Variants in GRM8 observed in about 807,000 individuals in gnomAD.
GRM8 encodes the protein glutamate metabotropic receptor 8.
In GRM8, 47 loss-of-function variants were observed where a neutral mutation model predicts 87.2. That is an observed-to-expected ratio of 0.54 (90% CI 0.43 to 0.69). The LOEUF is 0.69. Ranked by LOEUF, GRM8 falls within the 30% of genes least tolerant of loss-of-function variation. The pLI, the probability that GRM8 is intolerant of heterozygous loss-of-function variation, is 0.00. For synonymous variants in GRM8, 396 were observed against 404.5 expected (o/e 0.98, Z 0.25); for missense variants, 1,019 against 1,139.2 (o/e 0.89, Z 1.52).
chr7:126,619,966 C>T (rs1011164531), intron 7 of GRM8, among the ~76,000 whole-genome samples: 7 of 151,750 alleles, frequency 4.6e-5, no homozygotes, highest in African/African-American at 1.5e-4. Flanking sequence ...GCCAGAATTA[C>T]AGGCATGAAT....
At chr7:126,826,553 T>G (rs574094368) in intron 6 of GRM8, among the ~76,000 whole-genome samples, 3 of 152,308 alleles carry the variant, frequency 2.0e-5, no homozygotes, top group South Asian at 4.1e-4. Context: ...CTTCGCCCAA[T>G]TTTTGATGGG....
chr7:126,677,909 T>C (rs1298817280), intron 7 of GRM8, among the ~76,000 whole-genome samples: 1 of 152,108 alleles, frequency 6.6e-6, no homozygotes, highest in Admixed American at 6.6e-5. Flanking sequence ...GTCAAGTCCC[T>C]GGAACAACTC....
chr7:126,906,414 C>T (rs551533461), intron 3 of GRM8, among the ~76,000 whole-genome samples: 22 of 152,282 alleles, frequency 1.4e-4, no homozygotes, highest in African/African-American at 5.3e-4. Flanking sequence ...GCCCTAGGCT[C>T]CAGTGATTTG....
chr7:126,788,409 C>CAAAAAAAAAAAAAAAAAAAAAAAAAA lies in GRM8; in HGVS notation c.1157-18345_1157-18344insTTTTTTTTTTTTTTTTTTTTTTTTTT, dbSNP rs67131936. Among the ~76,000 whole-genome samples the CAAAAAAAAAAAAAAAAAAAAAAAAAA allele has an allele frequency of 1.4e-3, 15 of 10,790 alleles. 1 individual carries two copies. The highest frequency in any genetic ancestry group is 2.2e-3 in the Non-Finnish European group (11 of 5,072). The allele number at this position is 10,790 out of a possible 152,430, so 7.1% of individuals were successfully genotyped here. On this transcript the variant is annotated intron_variant, in intron 6 of 10. Transcript: ENST00000339582. The stretch of plus-strand genomic sequence containing the variant: ...TGGGTATCAGAGCAAGACTCCATCT[C>CAAAAAAAAAAAAAAAAAAAAAAAAAA]AAAAAAAAAAAAAACCCTTTCAGAT...
chr7:126,495,938 G>A (rs914522698), intron 9 of GRM8, among the ~76,000 whole-genome samples: 1 of 151,976 alleles, frequency 6.6e-6, no homozygotes, highest in African/African-American at 2.4e-5. Context: ...ACTGTTGGTA[G>A]ATTCAAACAA....
At chr7:126,441,253 G>T in intron 10 of GRM8, among the ~76,000 whole-genome samples, 1 of 151,804 alleles carries the variant, frequency 6.6e-6, no homozygotes. Flanking sequence ...GGTTTCTTTT[G>T]GTTTCATCAA....
chr7:126,906,598 G>C (rs1301716553), intron 3 of GRM8, among the ~76,000 whole-genome samples: 1 of 152,202 alleles, frequency 6.6e-6, no homozygotes, highest in African/African-American at 2.4e-5. Context: ...AATATATGCT[G>C]AGCTTTATGC....
intron 3 of GRM8, among the ~76,000 whole-genome samples, chr7:127,095,445 T>G (rs1295838520): frequency 6.6e-6 from 1 of 152,194 alleles, no homozygotes; most frequent in Non-Finnish European, 1.5e-5. Flanking sequence ...ACACACTGAT[T>G]GCATGTAAGA....
intron 3 of GRM8, among the ~76,000 whole-genome samples, chr7:127,033,009 C>CTTT (rs5887323): frequency 0.019 from 2,653 of 139,928 alleles, 78 homozygotes; most frequent in African/African-American, 0.054. Flanking sequence ...CTTTCGTTTC[C>CTTT]TTTTTTTTTT....
chr7:126,692,222 G>T (rs915704437), intron 7 of GRM8, among the ~76,000 whole-genome samples: 2 of 152,200 alleles, frequency 1.3e-5, no homozygotes, highest in Non-Finnish European at 2.9e-5. Context: ...TTAGTTCTAT[G>T]TGTATCACTA....
At chr7:126,939,027 T>C (rs937206330) in intron 3 of GRM8, among the ~76,000 whole-genome samples, 6 of 152,162 alleles carry the variant, frequency 3.9e-5, no homozygotes, top group Admixed American at 2.6e-4. Context: ...GCCCAGTTCA[T>C]AGTATGATTT....
chr7:126,809,687 T>G (rs1168807090), intron 6 of GRM8, among the ~76,000 whole-genome samples: 3 of 152,158 alleles, frequency 2.0e-5, no homozygotes, highest in African/African-American at 7.2e-5. Flanking sequence ...CTCTCATCAA[T>G]TCCAAATGCC....
At chr7:126,522,068 C>T (rs1214112288) in intron 9 of GRM8, among the ~76,000 whole-genome samples, 1 of 152,114 alleles carries the variant, frequency 6.6e-6, no homozygotes. Flanking sequence ...TCTTTTAGTC[C>T]AGACCAGAGA....
chr7:126,954,130 A>G (rs1808446714), intron 3 of GRM8, among the ~76,000 whole-genome samples: 1 of 152,100 alleles, frequency 6.6e-6, no homozygotes, highest in African/African-American at 2.4e-5. Flanking sequence ...TTATTGGTAA[A>G]CTGTTTGCTA....
chr7:126,584,489 C>T (rs1026660870), intron 8 of GRM8, among the ~76,000 whole-genome samples: 1 of 152,040 alleles, frequency 6.6e-6, no homozygotes, highest in Non-Finnish European at 1.5e-5. Flanking sequence ...GTTTGTTGAC[C>T]GATTGTCTCA....
intron 9 of GRM8, among the ~76,000 whole-genome samples, chr7:126,457,549 A>G (rs1803394893): frequency 6.6e-6 from 1 of 151,478 alleles, no homozygotes; most frequent in Non-Finnish European, 1.5e-5. Context: ...GAAATAAATA[A>G]CAAAAGAAAA....
intron 9 of GRM8, among the ~76,000 whole-genome samples, chr7:126,459,103 T>C (rs1803587593): frequency 6.6e-6 from 1 of 151,184 alleles, no homozygotes; most frequent in African/African-American, 2.4e-5. Context: ...TCATAAACCA[T>C]ATCATATTTG....
chr7:126,526,383 A>G (rs1562920532), intron 9 of GRM8, among the ~76,000 whole-genome samples: 1 of 152,192 alleles, frequency 6.6e-6, no homozygotes, highest in Non-Finnish European at 1.5e-5. Context: ...TTTCAATCAT[A>G]TTCAGAAAGT....
At chr7:126,588,561 A>G (rs996713145) in intron 8 of GRM8, among the ~76,000 whole-genome samples, 1 of 152,214 alleles carries the variant, frequency 6.6e-6, no homozygotes, top group Non-Finnish European at 1.5e-5. Context: ...CCAGATGCCC[A>G]TCAGTGGTGA....
Sources: gnomAD v4.1 joint callset for allele counts (sites outside exome capture counted in the v4.1 genomes callset) on GRCh38, gnomAD v4.1.1 for gene constraint, MANE v1.5 for transcripts, NCBI Gene and HGNC (gene_info 2026-07-23, HGNC 2026-07-21) for gene names.